The following DHRSX variants were observed in gnomAD, a reference collection of about 807,000 sequenced individuals.
The protein encoded by DHRSX is polyprenol dehydrogenase.
A neutral mutation model predicts 34.0 loss-of-function variants in DHRSX; 31 were observed. The ratio of observed to expected loss-of-function variants is 0.91; its 90% CI spans 0.69 to 1.23. The LOEUF is 1.23. Ranked by LOEUF, DHRSX falls within the 50% of genes most tolerant of loss-of-function variation. The pLI, the probability that DHRSX is intolerant of heterozygous loss-of-function variation, is 0.00. For synonymous variants in DHRSX, 201 were observed against 183.8 expected, an observed-to-expected ratio of 1.09 and a Z score of -0.76; for missense variants, 414 against 428.1, an observed-to-expected ratio of 0.97 and a Z score of 0.29.
chrX:2,252,214 G>A (rs1414984882), intron 5 of DHRSX, among the ~76,000 whole-genome samples: 1 of 152,020 alleles, frequency 6.6e-6, no homozygotes, highest in African/African-American at 2.4e-5. Context: ...TCCAGCCTGG[G>A]TGACAAGAGC....
At chrX:2,330,166 A>G in intron 3 of DHRSX, among the ~76,000 whole-genome samples, 1 of 124,050 alleles carries the variant, frequency 8.1e-6, no homozygotes, top group Admixed American at 8.7e-5. Context: ...AAGGAGGAGG[A>G]GGTGAAAGAG....
intron 5 of DHRSX, among the ~76,000 whole-genome samples, chrX:2,249,517 T>C (rs1421496299): frequency 1.1e-5 from 1 of 91,128 alleles, no homozygotes. Context: ...TTGTGCCTTT[T>C]TTTTTTTTTT....
chrX:2,310,672 A>G (rs1409028928), intron 3 of DHRSX, among the ~76,000 whole-genome samples: 1 of 151,964 alleles, frequency 6.6e-6, no homozygotes, highest in Non-Finnish European at 1.5e-5. Flanking sequence ...TGGGAGAGAA[A>G]GAGAGAGACA....
At chrX:2,462,739 G>A (rs1312035097) in intron 1 of DHRSX, among the ~76,000 whole-genome samples, 1 of 151,812 alleles carries the variant, frequency 6.6e-6, no homozygotes, top group African/African-American at 2.4e-5. Context: ...GTATTTTACA[G>A]CACTAATATT....
Position 2,220,758 on chromosome X carries a change from C to A in DHRSX, c.*283G>T. On this transcript the variant is annotated 3_prime_UTR_variant, in exon 7 of 7. Transcript: ENST00000334651. The stretch of plus-strand genomic sequence containing the variant: ...TATTAACGCGGCAAGGAAAATGGCA[C>A]ATTTATGTTGGAAAATGTAATTATT... The A allele has an allele frequency of 2.3e-6, 1 of 442,674 alleles. No individual in the cohort carries two copies. The highest frequency in any genetic ancestry group is 4.0e-6 in the Non-Finnish European group (1 of 250,590). The allele number at this position is 442,674 out of a possible 1,614,324, so 27.4% of individuals were successfully genotyped here.
intron 1 of DHRSX, among the ~76,000 whole-genome samples, chrX:2,483,685 T>A (rs2044809099): frequency 6.8e-6 from 1 of 146,622 alleles, no homozygotes; most frequent in African/African-American, 2.5e-5. Flanking sequence ...GTGTGTTACC[T>A]AAAGAAACAC....
intron 3 of DHRSX, among the ~76,000 whole-genome samples, chrX:2,331,151 T>C (rs1394636654): frequency 1.3e-5 from 2 of 152,078 alleles, no homozygotes; most frequent in Non-Finnish European, 2.9e-5. Context: ...AAGAAACCAT[T>C]TTCTCTGCTC....
In DHRSX at chrX:2,305,036, G is replaced by A. The variant is rs768086080; in HGVS notation, c.287-13433C>T. Among the ~76,000 whole-genome samples the A allele has an allele frequency of 7.9e-5, 12 of 152,208 alleles. No homozygotes were observed. In the East Asian group the frequency reaches 1.2e-3, roughly 15 times the overall value. On this transcript the variant is annotated intron_variant, in intron 3 of 6. Transcript: ENST00000334651. ...ATACTATGCAGCCATAAAAAGGAAC[G>A]AGATCATGTCCTTTGCAGGGACATG...
In DHRSX at chrX:2,274,163, G is replaced by A. The variant is rs758791772; in HGVS notation, c.389-7216C>T. ...AGCGATTCTCCTGCCTCAGCCTCCCGAGTACATGGGATTACAGGCACCTGC... is the reference window on the plus strand; with the variant it reads ...AGCGATTCTCCTGCCTCAGCCTCCCAAGTACATGGGATTACAGGCACCTGC... On this transcript the variant is annotated intron_variant, in intron 4 of 6. Transcript: ENST00000334651. 1.3e-4 allele frequency among the ~76,000 whole-genome samples: 19 copies of A among 148,808 alleles called. No individual in the cohort carries two copies. The East Asian group carries it at 2.1e-3, about 16-fold the overall frequency.
chrX:2,425,362 G>GT (rs1281815667), intron 1 of DHRSX, 58 bp from the exon 2 acceptor site: 8 of 1,475,948 alleles, frequency 5.4e-6, no homozygotes, highest in Non-Finnish European at 7.6e-6. Context: ...GCACATATTT[G>GT]TAAGAATTAA....
At chrX:2,261,104 G>C (rs1470180979) in intron 5 of DHRSX, among the ~76,000 whole-genome samples, 1 of 152,040 alleles carries the variant, frequency 6.6e-6, no homozygotes, top group East Asian at 1.9e-4. Context: ...CAGCTACTCG[G>C]GAGGCTGAGG....
intron 3 of DHRSX, among the ~76,000 whole-genome samples, chrX:2,387,120 T>G (rs1245905109): frequency 6.6e-6 from 1 of 152,160 alleles, no homozygotes; most frequent in Non-Finnish European, 1.5e-5. Flanking sequence ...TATAAAACAT[T>G]TTTGTCACCT....
chrX:2,233,133 T>C (rs913637797), intron 6 of DHRSX, among the ~76,000 whole-genome samples: 15 of 152,286 alleles, frequency 9.8e-5, no homozygotes, highest in Admixed American at 5.2e-4. Flanking sequence ...AGACACTTCC[T>C]ATCTGGCCGA....
At position 2,389,011 on chromosome X, in the gene DHRSX, C is replaced by A. The variant is rs375639138; in HGVS notation, c.286+19734G>T. On this transcript the variant is annotated intron_variant, in intron 3 of 6. Transcript: ENST00000334651. ...CGACACGGTGACCTCAGACATGTAG[C>A]CTCTACAGCTGTGAGAGAATAAGTA... Among the ~76,000 whole-genome samples the A allele has an allele frequency of 1.7e-3, 261 of 152,306 alleles. 2 individuals are homozygous for A. Among genetic ancestry groups the A allele is most frequent in the African/African-American group, 6.2e-3 (257 of 41,558 alleles).
At chrX:2,270,712 T>C (rs1169082251) in intron 4 of DHRSX, among the ~76,000 whole-genome samples, 1 of 152,136 alleles carries the variant, frequency 6.6e-6, no homozygotes, top group Admixed American at 6.5e-5. Flanking sequence ...TAAACGTGGA[T>C]GGAGATCTGC....
At chrX:2,290,094 T>C (rs2124489208) in intron 4 of DHRSX, among the ~76,000 whole-genome samples, 1 of 152,358 alleles carries the variant, frequency 6.6e-6, no homozygotes, top group African/African-American at 2.4e-5. Flanking sequence ...CACATAGCTA[T>C]GTCTGTACAA....
At position 2,294,016 on chromosome X, in the gene DHRSX, T is replaced by G. The variant is rs1276924208; in HGVS notation, c.287-2413A>C. Among the ~76,000 whole-genome samples the G allele has an allele frequency of 1.7e-4, 25 of 149,338 alleles. 1 individual carries two copies. Among genetic ancestry groups the G allele is most frequent in the Non-Finnish European group, 4.4e-5 (3 of 67,568 alleles). On this transcript the variant is annotated intron_variant, in intron 3 of 6. Coordinates refer to ENST00000334651, the MANE Select transcript of DHRSX (RefSeq NM_145177.3). The stretch of plus-strand genomic sequence containing the variant: ...ATCAGAGAGAGAGAAGAGACAGAGA[T>G]GGAGTGTAAGAATGAGAAAGAGAGA...
intron 1 of DHRSX, among the ~76,000 whole-genome samples, chrX:2,484,104 C>G (rs932837685): frequency 1.3e-5 from 2 of 152,156 alleles, no homozygotes; most frequent in African/African-American, 4.8e-5. Flanking sequence ...GCCTCAGTAC[C>G]TGGGATTACA....
At chrX:2,319,664 A>G (rs1245856924) in intron 3 of DHRSX, among the ~76,000 whole-genome samples, 1 of 151,946 alleles carries the variant, frequency 6.6e-6, no homozygotes, top group Non-Finnish European at 1.5e-5. Context: ...TATAATATAC[A>G]TAACATACAA....
Sources: allele counts gnomAD v4.1 joint callset (sites outside exome capture counted in the v4.1 genomes callset), GRCh38; gene constraint gnomAD v4.1.1; transcripts MANE v1.5; gene names NCBI Gene and HGNC (gene_info 2026-07-23, HGNC 2026-07-21).